Variants in CNTN4 observed in about 807,000 individuals in gnomAD.
The protein encoded by CNTN4 is contactin 4, also known as contactin-4.
Under a neutral mutation model 122.5 loss-of-function variants are expected in CNTN4, and 77 were observed. The ratio of observed to expected loss-of-function variants is 0.63; its 90% CI spans 0.52 to 0.76. The LOEUF (loss-of-function observed/expected upper bound fraction) is 0.76. Ranked by LOEUF, CNTN4 falls within the 30% of genes least tolerant of loss-of-function variation. The probability of loss-of-function intolerance (pLI) is 0.00; values close to 1 mark genes in which losing one functional copy is unlikely to be tolerated. For missense variants in CNTN4, 1,256 were observed against 1,259.1 expected (o/e 1.00, Z 0.04); for synonymous variants, 512 against 447.0 (o/e 1.15, Z -1.83).
At position 2,767,202 on chromosome 3, in the gene CNTN4, T is replaced by C. The variant is rs1358200470; in HGVS notation, c.358+21505T>C. Among the ~76,000 whole-genome samples the C allele has an allele frequency of 2.0e-5, 3 of 152,338 alleles. No homozygotes were observed. The East Asian group carries it at 5.8e-4, about 29-fold the overall frequency. ...CTTGAAAGTCTTCACACTTTAGAGC[T>C]AAACATGCAAAATATATTCAGAGAC... On this transcript the variant is annotated intron_variant, in intron 6 of 24. Transcript: ENST00000418658.
chr3:2,804,548 T>C (rs1207362440), intron 6 of CNTN4, among the ~76,000 whole-genome samples: 1 of 152,184 alleles, frequency 6.6e-6, no homozygotes, highest in Admixed American at 6.5e-5. Flanking sequence ...GCCTAGCACA[T>C]AGGAAGAACT....
At chr3:2,304,215 G>T (rs1236192493) in intron 2 of CNTN4, among the ~76,000 whole-genome samples, 1 of 151,988 alleles carries the variant, frequency 6.6e-6, no homozygotes, top group Non-Finnish European at 1.5e-5. Flanking sequence ...TTCAAGTTTA[G>T]ATTTATATGC....
chr3:2,936,607 G>T (rs531778386), intron 13 of CNTN4, among the ~76,000 whole-genome samples: 2 of 152,002 alleles, frequency 1.3e-5, no homozygotes, highest in African/African-American at 4.8e-5. Flanking sequence ...TGAGCCACAC[G>T]GACCTTCTCT....
Position 2,204,557 on chromosome 3 carries a change from C to T in CNTN4, c.-145+103918C>T, listed in dbSNP as rs545017525. Among the ~76,000 whole-genome samples the T allele has an allele frequency of 5.9e-5, 9 of 152,198 alleles. No homozygotes were observed. In the South Asian group the frequency reaches 1.9e-3, roughly 32 times the overall value. ...GGCTTTTGAAACTGTACACAAAACTCATAAACACAACCTTTAAACAACTAT... is the reference window on the plus strand; with the variant it reads ...GGCTTTTGAAACTGTACACAAAACTTATAAACACAACCTTTAAACAACTAT... On this transcript the variant is annotated intron_variant, in intron 2 of 24. Coordinates refer to ENST00000418658, the MANE Select transcript of CNTN4 (RefSeq NM_175607.3).
chr3:2,333,508 C>T (rs948586076), intron 2 of CNTN4, among the ~76,000 whole-genome samples: 1 of 152,204 alleles, frequency 6.6e-6, no homozygotes, highest in African/African-American at 2.4e-5. Context: ...TCTAGTGGTG[C>T]TACTTATTGT....
intron 4 of CNTN4, among the ~76,000 whole-genome samples, chr3:2,698,553 T>C (rs142702004): frequency 0.013 from 1,988 of 152,344 alleles, 15 homozygotes; most frequent in Non-Finnish European, 0.019. Context: ...AAATTAAGTT[T>C]CAGTGCTAGT....
chr3:2,595,365 A>T (rs981156479), intron 4 of CNTN4, among the ~76,000 whole-genome samples: 2 of 152,224 alleles, frequency 1.3e-5, no homozygotes, highest in Non-Finnish European at 2.9e-5. Flanking sequence ...ACAATGTCAC[A>T]TATCATGCAT....
chr3:2,245,823 GAACT>G (rs1267277320), intron 2 of CNTN4, among the ~76,000 whole-genome samples: 2 of 151,966 alleles, frequency 1.3e-5, no homozygotes, highest in African/African-American at 4.8e-5. Flanking sequence ...GAGTAATCAT[GAACT>G]GTCTAGCTCT....
intron 2 of CNTN4, among the ~76,000 whole-genome samples, chr3:2,115,120 C>T (rs996818700): frequency 1.3e-5 from 2 of 152,198 alleles, no homozygotes; most frequent in East Asian, 3.9e-4. Flanking sequence ...CCAGGCTCTT[C>T]TCCTTGCTCC....
At chr3:2,536,915 T>A (rs1357972677) in intron 3 of CNTN4, among the ~76,000 whole-genome samples, 1 of 152,058 alleles carries the variant, frequency 6.6e-6, no homozygotes, top group African/African-American at 2.4e-5. Flanking sequence ...TCGATCATTG[T>A]GACTTTGAGA....
chr3:2,118,821 T>A (rs1386657790), intron 2 of CNTN4, among the ~76,000 whole-genome samples: 3 of 152,246 alleles, frequency 2.0e-5, no homozygotes, highest in African/African-American at 7.2e-5. Context: ...CAGAACATGA[T>A]GTTTCATTTT....
intron 4 of CNTN4, among the ~76,000 whole-genome samples, chr3:2,731,055 A>G (rs530955897): frequency 6.6e-6 from 1 of 151,828 alleles, no homozygotes; most frequent in East Asian, 1.9e-4. Flanking sequence ...TTTCCATTAC[A>G]GATGTGGTCA....
intron 2 of CNTN4, among the ~76,000 whole-genome samples, chr3:2,128,059 A>C (rs902629842): frequency 1.3e-5 from 2 of 152,234 alleles, no homozygotes; most frequent in South Asian, 4.1e-4. Context: ...GTTTCTCTGA[A>C]ACTTTTAAAG....
At chr3:2,113,910 C>G (rs778940365) in intron 2 of CNTN4, among the ~76,000 whole-genome samples, 1 of 152,168 alleles carries the variant, frequency 6.6e-6, no homozygotes, top group Non-Finnish European at 1.5e-5. Context: ...TCCCACTCAT[C>G]AATGTGATTG....
chr3:2,105,553 A>C (rs751406285), intron 2 of CNTN4, among the ~76,000 whole-genome samples: 1 of 152,282 alleles, frequency 6.6e-6, no homozygotes, highest in African/African-American at 2.4e-5. Flanking sequence ...AGCCCCTTAT[A>C]AAACCATCAG....
chr3:2,138,287 T>G (rs1297287210), intron 2 of CNTN4, among the ~76,000 whole-genome samples: 1 of 152,024 alleles, frequency 6.6e-6, no homozygotes, highest in African/African-American at 2.4e-5. Context: ...AGGCTGGTCT[T>G]GAACTCCTGA....
At chr3:2,418,455 G>A (rs2047497872) in intron 3 of CNTN4, among the ~76,000 whole-genome samples, 1 of 152,124 alleles carries the variant, frequency 6.6e-6, no homozygotes, top group Admixed American at 6.6e-5. Context: ...ACTAAAATTA[G>A]ATCAATCTAA....
At chr3:2,285,025 G>GT (rs2041852210) in intron 2 of CNTN4, among the ~76,000 whole-genome samples, 2 of 151,896 alleles carry the variant, frequency 1.3e-5, no homozygotes, top group African/African-American at 4.8e-5. Flanking sequence ...AATAAGATAC[G>GT]TTTTTATTAA....
chr3:3,005,057 C>T (rs1696481247), intron 14 of CNTN4, among the ~76,000 whole-genome samples: 1 of 152,224 alleles, frequency 6.6e-6, no homozygotes, highest in Non-Finnish European at 1.5e-5. Context: ...TGCCAAATAG[C>T]TTTATAGTCT....
Sources: gnomAD v4.1 joint callset for allele counts (sites outside exome capture counted in the v4.1 genomes callset) on GRCh38, gnomAD v4.1.1 for gene constraint, MANE v1.5 for transcripts, NCBI Gene and HGNC (gene_info 2026-07-23, HGNC 2026-07-21) for gene names.